The following ELMO1 variants were observed in gnomAD, a reference collection of about 807,000 sequenced individuals.
ELMO1 encodes the protein engulfment and cell motility protein 1.
In ELMO1, 26 loss-of-function variants were observed where a neutral mutation model predicts 98.9. That is an observed-to-expected ratio of 0.26 (90% confidence interval 0.19 to 0.36). ELMO1 has a LOEUF of 0.36. Among genes scored for constraint, ELMO1 ranks in the 10% least tolerant of loss-of-function variants. The pLI, the probability that ELMO1 is intolerant of heterozygous loss-of-function variation, is 1.00. For missense variants in ELMO1, 627 were observed against 935.2 expected (o/e 0.67, Z 4.30); for synonymous variants, 346 against 346.0 (o/e 1.00, Z 0.00).
intron 7 of ELMO1, among the ~76,000 whole-genome samples, chr7:37,242,874 T>C (rs1047428525): frequency 1.3e-5 from 2 of 152,194 alleles, no homozygotes; most frequent in African/African-American, 4.8e-5. Context: ...CCATGCTGCC[T>C]GGATGAGTAG....
chr7:36,917,792 G>A (rs1166403906), intron 16 of ELMO1, among the ~76,000 whole-genome samples: 1 of 152,182 alleles, frequency 6.6e-6, no homozygotes, highest in Non-Finnish European at 1.5e-5. Flanking sequence ...TCACAAATAA[G>A]GATGTTAGCT....
intron 2 of ELMO1, among the ~76,000 whole-genome samples, chr7:37,335,819 G>T (rs1011307728): frequency 3.3e-5 from 5 of 152,184 alleles, no homozygotes; most frequent in Non-Finnish European, 7.3e-5. Context: ...ACTTGGTAGA[G>T]ATGATGGATC....
In ELMO1 at chr7:37,443,529, C is replaced by T. The variant is rs1583775499; in HGVS notation, c.-74+5146G>A. Among the ~76,000 whole-genome samples the T allele has an allele frequency of 5.9e-5, 9 of 152,340 alleles. No individual in the cohort carries two copies. In the South Asian group the frequency reaches 1.9e-3, roughly 32 times the overall value. On this transcript the variant is annotated intron_variant, in intron 1 of 21. Coordinates refer to ENST00000310758, the MANE Select transcript of ELMO1 (RefSeq NM_014800.11). ...ACACGTATTCCTATCTGATACTTAA[C>T]TGTTCACCCCACCTTAGGCCAATGA... is the stretch of plus-strand genomic sequence containing the variant.
In ELMO1 at chr7:36,870,528, G is replaced by A; in HGVS notation, c.1823-53C>T. 1.8e-5 allele frequency: 29 copies of A among 1,569,360 alleles called. No homozygotes were observed. Among genetic ancestry groups the A allele is most frequent in the Non-Finnish European group, 2.4e-5 (27 of 1,147,348 alleles). The stretch of plus-strand genomic sequence containing the variant: ...AACTACACCATGTGAAAACTTTGAT[G>A]TCAATAAAGAAACAGGACTAAGCAC... On this transcript the variant is annotated intron_variant, in intron 19 of 21. Transcript: ENST00000310758. The surrounding 1 kb of genome is among the most constrained non-coding windows in gnomAD (Gnocchi z 4.4).
chr7:37,184,261 T>C (rs1361371118), intron 13 of ELMO1, among the ~76,000 whole-genome samples: 1 of 152,242 alleles, frequency 6.6e-6, no homozygotes, highest in Non-Finnish European at 1.5e-5. Flanking sequence ...CTCTTGTCTG[T>C]GCACAAACTG....
At chr7:37,347,515 G>GTATTCT (rs58743122) in intron 1 of ELMO1, among the ~76,000 whole-genome samples, 2 of 150,766 alleles carry the variant, frequency 1.3e-5, no homozygotes, top group Non-Finnish European at 2.9e-5. Flanking sequence ...TATTCTTATG[G>GTATTCT]TATTCTTATT....
chr7:37,378,980 C>A (rs1260611472), intron 1 of ELMO1, among the ~76,000 whole-genome samples: 1 of 152,174 alleles, frequency 6.6e-6, no homozygotes, highest in African/African-American at 2.4e-5. Flanking sequence ...TGCTCAGAAT[C>A]CTTCAGTGGA....
At chr7:36,861,407 T>C (rs1007229971) in intron 21 of ELMO1, among the ~76,000 whole-genome samples, 1 of 152,128 alleles carries the variant, frequency 6.6e-6, no homozygotes, top group Admixed American at 6.5e-5. Flanking sequence ...TTAACAAGTA[T>C]ACCTTTGCTG....
intron 20 of ELMO1, among the ~76,000 whole-genome samples, chr7:36,867,801 T>C (rs1803149269): frequency 6.6e-6 from 1 of 152,178 alleles, no homozygotes; most frequent in Admixed American, 6.5e-5. Flanking sequence ...TTTCCAAACA[T>C]TTGGGGGATT....
intron 1 of ELMO1, among the ~76,000 whole-genome samples, chr7:37,356,768 AAAAAG>A: frequency 6.6e-6 from 1 of 152,162 alleles, no homozygotes; most frequent in Non-Finnish European, 1.5e-5. Flanking sequence ...ATTAAAAAAA[AAAAAG>A]AAAAGAAAAA....
chr7:37,060,378 G>A (rs1468064662), intron 15 of ELMO1, among the ~76,000 whole-genome samples: 1 of 152,082 alleles, frequency 6.6e-6, no homozygotes, highest in African/African-American at 2.4e-5. Flanking sequence ...GCAGCTGGAG[G>A]CCGGTATCCT....
intron 5 of ELMO1, among the ~76,000 whole-genome samples, chr7:37,261,657 CAGT>C (rs1262731463): frequency 1.3e-5 from 2 of 151,972 alleles, no homozygotes; most frequent in Non-Finnish European, 2.9e-5. Flanking sequence ...GGCTGGAGTG[CAGT>C]GGCACAATCT....
At position 37,259,096 on chromosome 7, in the gene ELMO1, A is replaced by T. The variant is rs546718673; in HGVS notation, c.413+85T>A. ...ACCAAGGCTCTGGTCTTTAAAACAG[A>T]GTTTGCAAGTGTAAGGCATGTAACA... On this transcript the variant is annotated intron_variant, in intron 6 of 21. Coordinates refer to ENST00000310758, the MANE Select transcript of ELMO1 (RefSeq NM_014800.11). 6.4e-5 allele frequency: 91 copies of T among 1,431,880 alleles called. No individual in the cohort carries two copies. In the African/African-American group the frequency reaches 1.2e-3, roughly 18 times the overall value. 88.7% of individuals were successfully genotyped at this position (1,431,880 alleles called of 1,614,324 possible).
intron 15 of ELMO1, chr7:37,033,201 G>T (rs1794974595): frequency 3.0e-6 from 1 of 334,530 alleles, no homozygotes; most frequent in African/African-American, 2.1e-5. Flanking sequence ...TGCAGTTCTG[G>T]GTGGGTTTAT....
intron 1 of ELMO1, among the ~76,000 whole-genome samples, chr7:37,372,897 G>A (rs1034834305): frequency 6.6e-5 from 10 of 152,186 alleles, no homozygotes; most frequent in South Asian, 2.1e-4. Flanking sequence ...ATTATCATGA[G>A]ATAACATCTC....
At chr7:36,951,943 T>C (rs1787998072) in intron 16 of ELMO1, among the ~76,000 whole-genome samples, 1 of 151,438 alleles carries the variant, frequency 6.6e-6, no homozygotes, top group South Asian at 2.1e-4. Context: ...TGAAGGGGGG[T>C]TTAAAGGCCA....
intron 15 of ELMO1, among the ~76,000 whole-genome samples, chr7:37,028,155 A>G (rs1794682924): frequency 6.6e-6 from 1 of 152,116 alleles, no homozygotes; most frequent in South Asian, 2.1e-4. Flanking sequence ...GGAGTAAAGG[A>G]TCTTGCCCAG....
intron 4 of ELMO1, among the ~76,000 whole-genome samples, chr7:37,290,437 A>T (rs935853670): frequency 1.3e-5 from 2 of 152,204 alleles, no homozygotes; most frequent in Non-Finnish European, 2.9e-5. Context: ...AAAGATGATA[A>T]ATACATCTCA....
At chr7:37,107,413 A>G (rs889872818) in intron 14 of ELMO1, among the ~76,000 whole-genome samples, 7 of 152,196 alleles carry the variant, frequency 4.6e-5, no homozygotes, top group Non-Finnish European at 1.0e-4. Flanking sequence ...TCTTTTTAAC[A>G]TTCCACACCA....
Sources: gnomAD v4.1 joint callset for allele counts (sites outside exome capture counted in the v4.1 genomes callset) on GRCh38, gnomAD v4.1.1 for gene constraint, Gnocchi (gnomAD v3.1) non-coding constraint, MANE v1.5 for transcripts, NCBI Gene and HGNC (gene_info 2026-07-23, HGNC 2026-07-21) for gene names.